The following CYP2C19 variants were observed in gnomAD, a reference collection of about 807,000 sequenced individuals.
CYP2C19 encodes the protein cytochrome P450 2C19.
In CYP2C19, 59 loss-of-function variants were observed where a neutral mutation model predicts 40.9. The observed-to-expected ratio is 1.44, with a 90% CI of 1.17 to 1.79. The LOEUF (loss-of-function observed/expected upper bound fraction) is 1.79, where lower values mean the gene tolerates loss of function less well. CYP2C19 is among the 40% of genes most tolerant of loss of function. The probability of loss-of-function intolerance (pLI) is 0.00; values close to 1 mark genes in which losing one functional copy is unlikely to be tolerated. For synonymous variants in CYP2C19, 253 were observed against 208.7 expected (o/e 1.21, Z -1.83); for missense variants, 754 against 596.9 (o/e 1.26, Z -2.74).
chr10:94,826,533 G>T (rs532870937), intron 6 of CYP2C19, among the ~76,000 whole-genome samples: 39 of 152,276 alleles, frequency 2.6e-4, no homozygotes, highest in Admixed American at 1.0e-3. Context: ...TGCTGAAGTT[G>T]TTTATCAGCT....
intron 1 of CYP2C19, among the ~76,000 whole-genome samples, chr10:94,765,032 G>A (rs1848221323): frequency 2.0e-5 from 3 of 152,130 alleles, no homozygotes; most frequent in South Asian, 4.1e-4. Context: ...CAGTGAGGAG[G>A]TCTAGTCCTC....
intron 5 of CYP2C19, among the ~76,000 whole-genome samples, chr10:94,818,385 T>A (rs1011540892): frequency 1.3e-5 from 2 of 152,020 alleles, no homozygotes; most frequent in African/African-American, 4.8e-5. Flanking sequence ...TCTTTTTTGG[T>A]TCCATATGAA....
chr10:94,814,323 C>G (rs1848969629), intron 5 of CYP2C19, among the ~76,000 whole-genome samples: 2 of 151,768 alleles, frequency 1.3e-5, no homozygotes, highest in African/African-American at 4.9e-5. Flanking sequence ...TCATTGAGGT[C>G]TGTTATTTGA....
At position 94,772,482 on chromosome 10, in the gene CYP2C19, GC is replaced by G. The variant is rs549902836; in HGVS notation, c.169-2575del. On this transcript the variant is annotated intron_variant, in intron 1 of 8. Coordinates refer to ENST00000371321, the MANE Select transcript of CYP2C19 (RefSeq NM_000769.4). ...AGGCAAGAGGAAGTTTGTCTGGCAG[GC>G]ATTAGGACCCAGGAGGCAAGGGTCA... Among the ~76,000 whole-genome samples the G allele has an allele frequency of 6.6e-5, 10 of 152,234 alleles. No individual in the cohort carries two copies. In the East Asian group the frequency reaches 1.7e-3, roughly 26 times the overall value.
chr10:94,834,629 AG>A (rs1375455178), intron 6 of CYP2C19, among the ~76,000 whole-genome samples: 2 of 151,982 alleles, frequency 1.3e-5, no homozygotes, highest in Non-Finnish European at 2.9e-5. Context: ...GGGGACCCAA[AG>A]GGGGTTGCCA....
rs757947117 is a variant in CYP2C19 at position 94,852,774 on chromosome 10, C to G, written c.1333C>G (p.Leu445Val). 1.9e-6 allele frequency: 3 copies of G among 1,613,954 alleles called. No individual in the cohort carries two copies. Among genetic ancestry groups the G allele is most frequent in the Non-Finnish European group, 2.5e-6 (3 of 1,179,984 alleles). ...GGGAGAGGGCCTGGCCCGCATGGAG[C>G]TGTTTTTATTCCTGACCTTCATTTT... ...CVGEGLARME[L>V]FLFLTFILQN... The change falls in exon 9 of 9, where the codon CTG becomes GTG. Residue 445 changes from leucine (L) to valine (V), a missense_variant. Physicochemically the swap from Leu to Val is conservative, Grantham distance 32 (BLOSUM62 1). Transcript: ENST00000371321.
chr10:94,772,602 C>T (rs1043661267), intron 1 of CYP2C19, among the ~76,000 whole-genome samples: 2 of 152,148 alleles, frequency 1.3e-5, no homozygotes, highest in African/African-American at 4.8e-5. Context: ...GTTGTCGGGA[C>T]CCCGGAGCTG....
intron 1 of CYP2C19, among the ~76,000 whole-genome samples, chr10:94,768,893 T>C (rs1848287866): frequency 3.3e-5 from 5 of 152,168 alleles, no homozygotes. Context: ...AGGCTGTTTC[T>C]GCCCCTGGTT....
At chr10:94,836,300 A>G (rs1248305714) in intron 6 of CYP2C19, among the ~76,000 whole-genome samples, 1 of 152,178 alleles carries the variant, frequency 6.6e-6, no homozygotes, top group Admixed American at 6.5e-5. Flanking sequence ...CATGAGGCCA[A>G]CCCTTTGCCA....
At chr10:94,795,004 AAT>A (rs1003120276) in intron 5 of CYP2C19, among the ~76,000 whole-genome samples, 1 of 151,358 alleles carries the variant, frequency 6.6e-6, no homozygotes, top group East Asian at 1.9e-4. Flanking sequence ...TATATATGTA[AAT>A]ATATATATAT....
At chr10:94,808,224 G>C (rs775252850) in intron 5 of CYP2C19, among the ~76,000 whole-genome samples, 26 of 152,066 alleles carry the variant, frequency 1.7e-4, no homozygotes, top group Non-Finnish European at 3.4e-4. Context: ...ATGGGTCCAT[G>C]TGTCTGCTTT....
At chr10:94,846,473 C>G (rs957587677) in intron 7 of CYP2C19, among the ~76,000 whole-genome samples, 1 of 152,114 alleles carries the variant, frequency 6.6e-6, no homozygotes. Context: ...TGAAGGAGTT[C>G]TGCTTTTATG....
chr10:94,839,623 A>T (rs943646120), intron 6 of CYP2C19, among the ~76,000 whole-genome samples: 10 of 152,216 alleles, frequency 6.6e-5, no homozygotes, highest in African/African-American at 2.4e-4. Flanking sequence ...CAGGATTGAG[A>T]TAGTCTTTTG....
chr10:94,789,696 G>T lies in CYP2C19; in HGVS notation c.819+7699G>T, dbSNP rs190950580. Among the ~76,000 whole-genome samples the T allele has an allele frequency of 2.0e-5, 3 of 152,126 alleles. No homozygotes were observed. The East Asian group carries it at 5.8e-4, about 29-fold the overall frequency. On this transcript the variant is annotated intron_variant, in intron 5 of 8. Transcript: ENST00000371321. The stretch of plus-strand genomic sequence containing the variant: ...TCTGAGGCCTCTGTTCTGTTCCATT[G>T]ATCTATATATCCATTTTGGTAACAG...
intron 5 of CYP2C19, among the ~76,000 whole-genome samples, chr10:94,812,280 G>A (rs979152548): frequency 1.3e-5 from 2 of 152,132 alleles, no homozygotes; most frequent in African/African-American, 2.4e-5. Flanking sequence ...GTGGTAACCC[G>A]ACCTTTCTTT....
chr10:94,842,321 T>A (rs916020456), intron 6 of CYP2C19, among the ~76,000 whole-genome samples: 1 of 152,132 alleles, frequency 6.6e-6, no homozygotes, highest in Non-Finnish European at 1.5e-5. Context: ...TCCTCTTTTT[T>A]TTATTTCCTT....
chr10:94,793,402 C>G (rs940832534), intron 5 of CYP2C19, among the ~76,000 whole-genome samples: 3 of 152,174 alleles, frequency 2.0e-5, no homozygotes, highest in Non-Finnish European at 4.4e-5. Flanking sequence ...CTGTTGCTGG[C>G]AAGGAGCTGC....
chr10:94,763,807 T>A (rs1389147871), intron 1 of CYP2C19, among the ~76,000 whole-genome samples: 1 of 152,098 alleles, frequency 6.6e-6, no homozygotes, highest in African/African-American at 2.4e-5. Context: ...AGTGGGTTCT[T>A]GGTCTCGCTG....
rs143887175 is a variant in CYP2C19, at chr10:94,810,001, C to G, written c.820-10495C>G. 7.2e-5 allele frequency among the ~76,000 whole-genome samples: 11 copies of G among 152,194 alleles called. No homozygotes were observed. In the East Asian group the frequency reaches 2.1e-3, roughly 29 times the overall value. On this transcript the variant is annotated intron_variant, in intron 5 of 8. Coordinates refer to ENST00000371321, the MANE Select transcript of CYP2C19 (RefSeq NM_000769.4). ...GATTCAAGTGTTTCTCCTGCCTTAGCCCCCTGAATAGCTGGAATTACAGAG... is the reference window on the plus strand; with the variant it reads ...GATTCAAGTGTTTCTCCTGCCTTAGGCCCCTGAATAGCTGGAATTACAGAG...
Sources: allele counts gnomAD v4.1 joint callset (sites outside exome capture counted in the v4.1 genomes callset), GRCh38; gene constraint gnomAD v4.1.1; transcripts MANE v1.5; gene names NCBI Gene and HGNC (gene_info 2026-07-23, HGNC 2026-07-21).